THSD7B: variants seen among roughly 807,000 people sequenced by gnomAD.
THSD7B encodes thrombospondin type-1 domain-containing protein 7B.
Under a neutral mutation model 213.6 loss-of-function variants are expected in THSD7B, and 138 were observed. The ratio of observed to expected loss-of-function variants is 0.65; its 90% CI spans 0.56 to 0.74. The LOEUF is 0.74. Ranked by LOEUF, THSD7B falls within the 30% of genes least tolerant of loss-of-function variation. The probability of loss-of-function intolerance (pLI) is 0.00; values close to 1 mark genes in which losing one functional copy is unlikely to be tolerated. For missense variants in THSD7B, 1,931 were observed against 1,991.5 expected (o/e 0.97, Z 0.58); for synonymous variants, 742 against 687.0 (o/e 1.08, Z -1.25).
intron 12 of THSD7B, among the ~76,000 whole-genome samples, chr2:137,302,759 G>T (rs58101474): frequency 0.062 from 9,377 of 152,170 alleles, 537 homozygotes; most frequent in African/African-American, 0.14. Context: ...GGAGAAAATT[G>T]CTAGAAAGAT....
intron 2 of THSD7B, among the ~76,000 whole-genome samples, chr2:136,946,753 A>G (rs752516286): frequency 6.6e-6 from 1 of 152,192 alleles, no homozygotes; most frequent in African/African-American, 2.4e-5. Context: ...CTGCGCTAGC[A>G]GTGAGCAAGG....
In THSD7B at chr2:137,404,239, G is replaced by A. The variant is rs184446511; in HGVS notation, c.2501-1374G>A. ...AAAGCTATAAAGAACTAAAAAAGCT[G>A]TAAAGAACTAAAAGTAGAATTACCA... On this transcript the variant is annotated intron_variant, in intron 12 of 27. Coordinates refer to ENST00000409968, the MANE Select transcript of THSD7B (RefSeq NM_001316349.2). Among the ~76,000 whole-genome samples the A allele has an allele frequency of 1.3e-3, 192 of 151,522 alleles. 1 individual carries two copies. The highest frequency in any genetic ancestry group is 4.3e-3 in the African/African-American group (178 of 41,346).
At chr2:137,597,576 C>A (rs899016515) in intron 17 of THSD7B, among the ~76,000 whole-genome samples, 15 of 151,572 alleles carry the variant, frequency 9.9e-5, no homozygotes, top group Non-Finnish European at 2.1e-4. Flanking sequence ...TGCATGGTGA[C>A]AAGAAGTGTC....
rs1240443601 is a variant in THSD7B at position 137,170,955 on chromosome 2, C to T, written c.1723+17C>T. 1.9e-6 allele frequency: 3 copies of T among 1,610,856 alleles called. No individual in the cohort carries two copies. In the African/African-American group the frequency reaches 4.0e-5, roughly 22 times the overall value. On this transcript the variant is annotated intron_variant, in intron 7 of 27. Transcript: ENST00000409968. The stretch of plus-strand genomic sequence containing the variant: ...ATGACCGCGGTATGACCCAGTGACC[C>T]ACTAGAGGTGTTAGGATGTTAAGTA...
intron 14 of THSD7B, among the ~76,000 whole-genome samples, chr2:137,450,510 G>A (rs572152197): frequency 9.9e-5 from 15 of 152,254 alleles, no homozygotes; most frequent in South Asian, 4.1e-4. Flanking sequence ...ACAGTGAATC[G>A]TAGGAGGGAA....
In THSD7B at chr2:136,882,193, C is replaced by G; in HGVS notation, c.15C>G (p.Ser5Arg). MFPK[S>R]NLTVTCWVWR... ...AAATCTGAAGCATGTTTCCAAAGAG[C>G]AACCTAACAGTCACTTGCTGGGTAT... is the stretch of plus-strand genomic sequence containing the variant. Residue 5 changes from serine (S) to arginine (R), a missense_variant, in exon 2 of 28, where the codon AGC becomes AGG. Coordinates refer to ENST00000409968, the MANE Select transcript of THSD7B (RefSeq NM_001316349.2). 1 of 1,516,152 alleles carries G rather than the reference C, an allele frequency of 6.6e-7. No individual in the cohort carries two copies. The highest frequency in any genetic ancestry group is 1.3e-5 in the South Asian group (1 of 77,986). 93.9% of individuals were successfully genotyped at this position (1,516,152 alleles called of 1,614,324 possible). A position where few individuals can be genotyped will look rare whatever the true frequency, so the allele number is the denominator to read the frequency against.
intron 17 of THSD7B, among the ~76,000 whole-genome samples, chr2:137,591,592 G>GA (rs1166000913): frequency 6.6e-6 from 1 of 151,700 alleles, no homozygotes; most frequent in Non-Finnish European, 1.5e-5. Flanking sequence ...CATATATATT[G>GA]AAAAAATTGG....
chr2:137,590,656 T>C (rs1681843189), intron 17 of THSD7B, among the ~76,000 whole-genome samples: 1 of 152,132 alleles, frequency 6.6e-6, no homozygotes, highest in Non-Finnish European at 1.5e-5. Flanking sequence ...ACAGGTTTTT[T>C]AGTGCTTCTG....
intron 15 of THSD7B, chr2:137,538,350 T>C (rs1680544871): frequency 5.6e-6 from 2 of 358,098 alleles, no homozygotes; most frequent in Admixed American, 3.9e-5. Context: ...AGCTGAAAAA[T>C]AGCCATTAAT....
chr2:137,239,569 A>G (rs921170307), intron 9 of THSD7B, among the ~76,000 whole-genome samples: 1 of 152,040 alleles, frequency 6.6e-6, no homozygotes, highest in Non-Finnish European at 1.5e-5. Context: ...TAAAGGATGT[A>G]TTTTTCACAG....
intron 3 of THSD7B, among the ~76,000 whole-genome samples, chr2:137,062,605 A>G (rs777680541): frequency 1.5e-4 from 23 of 151,690 alleles, no homozygotes; most frequent in Non-Finnish European, 2.7e-4. Flanking sequence ...TTTAATCTCT[A>G]TATATTTTGG....
intron 12 of THSD7B, among the ~76,000 whole-genome samples, chr2:137,282,584 A>C (rs1000886460): frequency 2.1e-4 from 32 of 152,126 alleles, no homozygotes; most frequent in African/African-American, 7.0e-4. Context: ...TTTTTGTATA[A>C]GGTGTAAGGA....
chr2:137,165,993 T>G (rs898486578), intron 6 of THSD7B, among the ~76,000 whole-genome samples: 18 of 152,204 alleles, frequency 1.2e-4, no homozygotes, highest in Non-Finnish European at 1.0e-4. Flanking sequence ...AGGAAATGTT[T>G]TATTGCGGAA....
At chr2:137,125,427 G>A (rs1045205098) in intron 5 of THSD7B, among the ~76,000 whole-genome samples, 2 of 152,132 alleles carry the variant, frequency 1.3e-5, no homozygotes, top group African/African-American at 2.4e-5. Context: ...TTGCTCATTT[G>A]TAAGAAGCAA....
chr2:137,463,066 A>G (rs1377942542), intron 15 of THSD7B, among the ~76,000 whole-genome samples: 1 of 152,148 alleles, frequency 6.6e-6, no homozygotes, highest in Non-Finnish European at 1.5e-5. Flanking sequence ...GGAAGGGGGC[A>G]CAGTACAGTA....
At chr2:137,014,475 A>G (rs1686298851) in intron 2 of THSD7B, among the ~76,000 whole-genome samples, 1 of 152,208 alleles carries the variant, frequency 6.6e-6, no homozygotes, top group African/African-American at 2.4e-5. Context: ...GCCAAGATCA[A>G]CTGTCCTTTG....
intron 1 of THSD7B, among the ~76,000 whole-genome samples, chr2:136,844,352 G>A (rs1682966168): frequency 6.6e-6 from 1 of 152,028 alleles, no homozygotes; most frequent in African/African-American, 2.4e-5. Context: ...GGGGCCACTT[G>A]GTGGAAGCTG....
chr2:137,408,481 A>G (rs886694469), intron 13 of THSD7B, among the ~76,000 whole-genome samples: 1 of 152,172 alleles, frequency 6.6e-6, no homozygotes, highest in Admixed American at 6.5e-5. Flanking sequence ...TTGCGATCTA[A>G]TTGGAGATAC....
chr2:137,333,908 A>T (rs1320971916), intron 12 of THSD7B, among the ~76,000 whole-genome samples: 4 of 152,168 alleles, frequency 2.6e-5, no homozygotes, highest in Non-Finnish European at 5.9e-5. Context: ...CTCTCACTTG[A>T]TATGACTTAT....
Sources: gnomAD v4.1 joint callset for allele counts (sites outside exome capture counted in the v4.1 genomes callset) on GRCh38, gnomAD v4.1.1 for gene constraint, MANE v1.5 for transcripts, NCBI Gene and HGNC (gene_info 2026-07-23, HGNC 2026-07-21) for gene names.